GMPR: variants seen among roughly 807,000 people sequenced by gnomAD.
GMPR encodes guanosine monophosphate reductase, also known as GMP reductase 1.
Under a neutral mutation model 38.4 loss-of-function variants are expected in GMPR, and 31 were observed. The ratio of observed to expected loss-of-function variants is 0.81; its 90% CI spans 0.61 to 1.09. The LOEUF is 1.09. GMPR is among the 50% of genes least tolerant of loss of function. The pLI is 0.00. For missense variants in GMPR, 468 were observed against 453.7 expected (o/e 1.03, Z -0.29); for synonymous variants, 162 against 173.3 (o/e 0.93, Z 0.51).
At chr6:16,259,326 T>G (rs1425109551) in intron 4 of GMPR, 1 of 151,896 alleles carries the variant, frequency 6.6e-6, no homozygotes, top group Non-Finnish European at 1.5e-5. Context: ...TCACTTCTTT[T>G]GTGGTAGAAT....
intron 5 of GMPR, 58 bp downstream of exon 5, chr6:16,274,554 C>A: frequency 2.1e-6 from 2 of 941,118 alleles, no homozygotes; most frequent in Non-Finnish European, 3.5e-6. Flanking sequence ...GGATCTGGGG[C>A]TTGCGGGGAC....
intron 4 of GMPR, among the ~76,000 whole-genome samples, chr6:16,272,322 C>A (rs1759401622): frequency 6.6e-6 from 1 of 152,236 alleles, no homozygotes; most frequent in South Asian, 2.1e-4. Flanking sequence ...TGCACTGTTA[C>A]AGATAATACA....
At chr6:16,269,852 C>T (rs1759347428) in intron 4 of GMPR, among the ~76,000 whole-genome samples, 1 of 152,140 alleles carries the variant, frequency 6.6e-6, no homozygotes, top group African/African-American at 2.4e-5. Context: ...GTTCTGAAGG[C>T]TGGGAAGTCC....
At chr6:16,289,100 T>C (rs922692282) in intron 7 of GMPR, among the ~76,000 whole-genome samples, 2 of 152,244 alleles carry the variant, frequency 1.3e-5, no homozygotes, top group African/African-American at 4.8e-5. Context: ...TGCAATAGAT[T>C]CTGTTGCTGC....
intron 3 of GMPR, 38 bp downstream of exon 3, chr6:16,250,405 A>G: frequency 8.8e-7 from 1 of 1,138,384 alleles, no homozygotes; most frequent in East Asian, 2.3e-5. Flanking sequence ...CCAGTGCTGC[A>G]GGGGGGAACA....
chr6:16,287,964 T>G (rs987969080), intron 7 of GMPR, among the ~76,000 whole-genome samples: 2 of 152,192 alleles, frequency 1.3e-5, no homozygotes, highest in Non-Finnish European at 2.9e-5. Flanking sequence ...TCCTCCTGAT[T>G]AGGATTTGCC....
chr6:16,289,222 A>G (rs1759772359), intron 7 of GMPR, among the ~76,000 whole-genome samples: 1 of 152,214 alleles, frequency 6.6e-6, no homozygotes, highest in Non-Finnish European at 1.5e-5. Flanking sequence ...AAAAAGCCTC[A>G]GCCGCGCCAC....
intron 6 of GMPR, among the ~76,000 whole-genome samples, chr6:16,285,122 C>A (rs1375528597): frequency 6.6e-6 from 1 of 151,970 alleles, no homozygotes; most frequent in Admixed American, 6.6e-5. Flanking sequence ...TAAACATTAC[C>A]CCCAACAGCT....
chr6:16,266,684 GCCTGTAGTC>G (rs1759245160), intron 4 of GMPR, among the ~76,000 whole-genome samples: 1 of 151,532 alleles, frequency 6.6e-6, no homozygotes, highest in African/African-American at 2.4e-5. Context: ...AGTGGCGGGC[GCCTGTAGTC>G]CCAGCTACTC....
At chr6:16,243,980 G>T (rs1043913088) in intron 1 of GMPR, among the ~76,000 whole-genome samples, 4 of 152,188 alleles carry the variant, frequency 2.6e-5, no homozygotes, top group African/African-American at 9.7e-5. Context: ...GAAGGTGGGG[G>T]CCTTTTCCTC....
intron 4 of GMPR, among the ~76,000 whole-genome samples, chr6:16,258,482 A>T (rs1185995327): frequency 1.3e-5 from 2 of 152,164 alleles, no homozygotes; most frequent in African/African-American, 4.8e-5. Context: ...AGGAGTTGCT[A>T]TGGGGGAGTT....
At chr6:16,290,914 A>T (rs1364499102) in intron 8 of GMPR, among the ~76,000 whole-genome samples, 1 of 152,108 alleles carries the variant, frequency 6.6e-6, no homozygotes, top group African/African-American at 2.4e-5. Context: ...AGGTGGAATT[A>T]TTGTCTTGTC....
In GMPR at chr6:16,246,832, TG is replaced by T; in HGVS notation, c.88-8del. The stretch of plus-strand genomic sequence containing the variant: ...CTTTCCCTTTTTCTTTCTTTTTTTT[TG>T]GCCAACAGGTGGATCTTGAACGCAC... On this transcript the variant is annotated splice_polypyrimidine_tract_variant and intron_variant, in intron 1 of 8. Transcript: ENST00000259727. 6.2e-7 allele frequency: 1 copy of T among 1,605,914 alleles called. No individual in the cohort carries two copies. The highest frequency in any genetic ancestry group is 8.5e-7 in the Non-Finnish European group (1 of 1,177,182).
intron 4 of GMPR, among the ~76,000 whole-genome samples, chr6:16,265,564 A>G (rs1418952761): frequency 6.6e-6 from 1 of 152,196 alleles, no homozygotes; most frequent in Non-Finnish European, 1.5e-5. Context: ...CTCTGTGTCT[A>G]GCTAAAGGAT....
intron 7 of GMPR, chr6:16,289,437 G>T (rs1379313252): frequency 1.3e-5 from 2 of 152,384 alleles, no homozygotes; most frequent in East Asian, 3.8e-4. Flanking sequence ...TAATCATTCA[G>T]CGTCTATCAT....
rs376976957 is a variant in GMPR, at chr6:16,246,995, T to C, written c.207+34T>C. Reference sequence around the variant, plus strand: ...GTAGGCTTTTGTTTTTTCCCTTTGCTGCTCACACTGTGGACAGGTTATCAG... The same window carrying C: ...GTAGGCTTTTGTTTTTTCCCTTTGCCGCTCACACTGTGGACAGGTTATCAG... On this transcript the variant is annotated intron_variant, in intron 2 of 8. Transcript: ENST00000259727. The C allele has an allele frequency of 1.9e-6, 3 of 1,607,032 alleles. No homozygotes were observed. In the African/African-American group the frequency reaches 4.0e-5, roughly 22 times the overall value.
At chr6:16,259,562 C>T (rs1180169805) in intron 4 of GMPR, among the ~76,000 whole-genome samples, 1 of 151,658 alleles carries the variant, frequency 6.6e-6, no homozygotes, top group Non-Finnish European at 1.5e-5. Context: ...GGATTAGGGG[C>T]GGCGTGGTAA....
chr6:16,256,393 G>A (rs1427048923), intron 4 of GMPR, among the ~76,000 whole-genome samples: 1 of 150,444 alleles, frequency 6.6e-6, no homozygotes, highest in Non-Finnish European at 1.5e-5. Context: ...AGCCAGGCAT[G>A]GTGGCAGATG....
At position 16,278,851 on chromosome 6, in the gene GMPR, T is replaced by C. The variant is rs2113697045; in HGVS notation, c.615T>C (p.Cys205=). 6.2e-7 allele frequency: 1 copy of C among 1,613,964 alleles called. No individual in the cohort carries two copies. Among genetic ancestry groups the C allele is most frequent in the East Asian group, 2.2e-5 (1 of 44,888 alleles). The change falls in exon 6 of 9, where the codon TGT becomes TGC. Residue 205 remains cysteine (C), a synonymous_variant. Coordinates refer to ENST00000259727, the MANE Select transcript of GMPR (RefSeq NM_006877.4). ...CCCAGCTGAGTGCCGTCATTGAGTG[T>C]GCCGACTCTGCCCATGGCCTGAAGG... is the stretch of plus-strand genomic sequence containing the variant. ...GYPQLSAVIE[C]ADSAHGLKGH...
Sources: allele counts gnomAD v4.1 joint callset (sites outside exome capture counted in the v4.1 genomes callset), GRCh38; gene constraint gnomAD v4.1.1; transcripts MANE v1.5; gene names NCBI Gene and HGNC (gene_info 2026-07-23, HGNC 2026-07-21).